PRKCE: variants seen among roughly 807,000 people sequenced by gnomAD.
PRKCE encodes the protein protein kinase C epsilon, also known as protein kinase C epsilon type.
Under a neutral mutation model 85.4 loss-of-function variants are expected in PRKCE, and 16 were observed. The observed-to-expected ratio is 0.19, with a 90% CI of 0.13 to 0.28. The LOEUF (loss-of-function observed/expected upper bound fraction) is 0.28, where lower values mean the gene tolerates loss of function less well. Ranked by LOEUF, PRKCE falls within the 10% of genes least tolerant of loss-of-function variation. The probability of loss-of-function intolerance (pLI) is 1.00; values close to 1 mark genes in which losing one functional copy is unlikely to be tolerated. For missense variants in PRKCE, 573 were observed against 975.2 expected (o/e 0.59, Z 5.49); for synonymous variants, 388 against 371.5 (o/e 1.04, Z -0.51).
chr2:45,823,305 G>A (rs559583620), intron 1 of PRKCE, among the ~76,000 whole-genome samples: 31 of 152,310 alleles, frequency 2.0e-4, no homozygotes, highest in Non-Finnish European at 3.7e-4. Context: ...CAGCAGTAAC[G>A]TTGAGCCTCT....
intron 11 of PRKCE, among the ~76,000 whole-genome samples, chr2:46,100,175 C>T (rs570882529): frequency 1.3e-5 from 2 of 152,266 alleles, no homozygotes; most frequent in African/African-American, 4.8e-5. Context: ...CTCAGTGAGG[C>T]TCCAGAAGGT....
chr2:46,149,440 G>A (rs1382835985), intron 12 of PRKCE, among the ~76,000 whole-genome samples: 1 of 151,858 alleles, frequency 6.6e-6, no homozygotes, highest in Non-Finnish European at 1.5e-5. Context: ...CCTGTTTCTG[G>A]GCAGAGCCAT....
At chr2:46,023,663 G>A (rs1706869674) in intron 10 of PRKCE, among the ~76,000 whole-genome samples, 1 of 152,126 alleles carries the variant, frequency 6.6e-6, no homozygotes, top group South Asian at 2.1e-4. Context: ...TCTCCTTCCT[G>A]TCACTGAGGA....
intron 1 of PRKCE, among the ~76,000 whole-genome samples, chr2:45,794,584 A>G (rs990273822): frequency 3.3e-5 from 5 of 152,118 alleles, no homozygotes; most frequent in African/African-American, 1.2e-4. Context: ...AGGCTGTGGC[A>G]AGGAATCTCA....
At chr2:45,703,692 T>C (rs908963721) in intron 1 of PRKCE, among the ~76,000 whole-genome samples, 5 of 152,176 alleles carry the variant, frequency 3.3e-5, no homozygotes, top group African/African-American at 1.2e-4. Context: ...TTTCCTTTAT[T>C]GTCCTAAATA....
chr2:45,756,615 A>T (rs1265482017), intron 1 of PRKCE, among the ~76,000 whole-genome samples: 1 of 152,242 alleles, frequency 6.6e-6, no homozygotes, highest in Non-Finnish European at 1.5e-5. Flanking sequence ...GAATGGATAA[A>T]CAAATTGTGG....
At chr2:45,770,536 C>G (rs953596537) in intron 1 of PRKCE, among the ~76,000 whole-genome samples, 1 of 152,176 alleles carries the variant, frequency 6.6e-6, no homozygotes, top group Non-Finnish European at 1.5e-5. Context: ...GTTGGTTGAG[C>G]GTCCTACCTT....
At chr2:45,681,789 G>A (rs944267613) in intron 1 of PRKCE, among the ~76,000 whole-genome samples, 3 of 152,318 alleles carry the variant, frequency 2.0e-5, no homozygotes, top group South Asian at 4.1e-4. Flanking sequence ...TGCATGCCCT[G>A]TATTAAAGCA....
At chr2:45,847,302 G>T (rs1691873322) in intron 2 of PRKCE, among the ~76,000 whole-genome samples, 1 of 152,176 alleles carries the variant, frequency 6.6e-6, no homozygotes, top group South Asian at 2.1e-4. Context: ...ACCATAGCAT[G>T]TGGTCCCCAT....
At chr2:45,794,939 A>G (rs1159570851) in intron 1 of PRKCE, among the ~76,000 whole-genome samples, 1 of 149,928 alleles carries the variant, frequency 6.7e-6, no homozygotes, top group Non-Finnish European at 1.5e-5. Flanking sequence ...AGCTAATGAG[A>G]GCAGAGTGAT....
At chr2:46,062,673 T>TTTG in intron 10 of PRKCE, among the ~76,000 whole-genome samples, 1 of 134,060 alleles carries the variant, frequency 7.5e-6, no homozygotes, top group Non-Finnish European at 1.6e-5. Context: ...TCAGCCTTTT[T>TTTG]TTTTTTTTTT....
intron 2 of PRKCE, among the ~76,000 whole-genome samples, chr2:45,892,871 G>C (rs1283585308): frequency 6.6e-6 from 1 of 152,172 alleles, no homozygotes; most frequent in African/African-American, 2.4e-5. Context: ...AGAGCGACCA[G>C]AAATGTGCAG....
At chr2:45,764,256 G>C (rs1288091518) in intron 1 of PRKCE, among the ~76,000 whole-genome samples, 1 of 152,142 alleles carries the variant, frequency 6.6e-6, no homozygotes, top group Admixed American at 6.5e-5. Context: ...GAAAATATTG[G>C]CCCATTTAAG....
At chr2:45,985,594 A>T (rs192691541) in intron 6 of PRKCE, among the ~76,000 whole-genome samples, 7 of 152,210 alleles carry the variant, frequency 4.6e-5, no homozygotes, top group Admixed American at 4.6e-4. Context: ...GACATAACAA[A>T]TTGGTCATTG....
intron 10 of PRKCE, among the ~76,000 whole-genome samples, chr2:46,047,019 C>G (rs1708564555): frequency 6.6e-6 from 1 of 152,216 alleles, no homozygotes; most frequent in Non-Finnish European, 1.5e-5. Flanking sequence ...AGCCTGCTCT[C>G]TGTCCCTTCT....
chr2:45,838,507 G>A (rs535035947), intron 1 of PRKCE, among the ~76,000 whole-genome samples: 64 of 152,228 alleles, frequency 4.2e-4, no homozygotes, highest in African/African-American at 1.3e-3. Context: ...AGTACCACAC[G>A]TCCTCCCGAT....
intron 1 of PRKCE, among the ~76,000 whole-genome samples, chr2:45,741,811 C>T (rs900963709): frequency 2.0e-5 from 3 of 152,192 alleles, no homozygotes; most frequent in African/African-American, 4.8e-5. Flanking sequence ...CTCAACAGGT[C>T]TTCTCTGTTC....
At chr2:45,936,216 C>T (rs1699441534) in intron 2 of PRKCE, among the ~76,000 whole-genome samples, 2 of 152,216 alleles carry the variant, frequency 1.3e-5, no homozygotes, top group Admixed American at 6.5e-5. Flanking sequence ...TGCCCCCAAG[C>T]ACCCCTTGGG....
intron 1 of PRKCE, among the ~76,000 whole-genome samples, chr2:45,789,884 T>A (rs1347958576): frequency 1.3e-5 from 2 of 152,234 alleles, no homozygotes; most frequent in Non-Finnish European, 2.9e-5. Flanking sequence ...TGAAAACTTG[T>A]GTCTTTAGAT....
Sources: allele counts gnomAD v4.1 joint callset (sites outside exome capture counted in the v4.1 genomes callset), GRCh38; gene constraint gnomAD v4.1.1; transcripts MANE v1.5; gene names NCBI Gene and HGNC (gene_info 2026-07-23, HGNC 2026-07-21).